FKBP15: variants seen among roughly 807,000 people sequenced by gnomAD.
FKBP15 encodes FKBP prolyl isomerase family member 15, also known as FK506-binding protein 15.
FKBP15 carries 106 observed loss-of-function variants against 158.1 expected under a neutral mutation model. That is an observed-to-expected ratio of 0.67 (90% CI 0.57 to 0.79). The LOEUF (loss-of-function observed/expected upper bound fraction) is 0.79, where lower values mean the gene tolerates loss of function less well. Among genes scored for constraint, FKBP15 ranks in the 30% least tolerant of loss-of-function variants. FKBP15 has a pLI of 0.00. For synonymous variants in FKBP15, 547 were observed against 548.6 expected, an observed-to-expected ratio of 1.00 and a Z score of 0.04; for missense variants, 1,287 against 1,479.1, an observed-to-expected ratio of 0.87 and a Z score of 2.13.
chr9:113,204,922 T>A (rs1830858997), intron 4 of FKBP15, among the ~76,000 whole-genome samples: 1 of 147,812 alleles, frequency 6.8e-6, no homozygotes, highest in African/African-American at 2.5e-5. Flanking sequence ...GTGCCTTGTA[T>A]GTTAACTGCA....
At chr9:113,194,427 AAATAAATAAAT>A (rs1471335047) in intron 9 of FKBP15, among the ~76,000 whole-genome samples, 2 of 141,694 alleles carry the variant, frequency 1.4e-5, no homozygotes, top group African/African-American at 5.4e-5. Context: ...AATAAAAAAT[AAATAAATAAAT>A]AATAAATAAA....
Position 113,193,494 on chromosome 9 carries a change from T to C in FKBP15, c.1063A>G (p.Thr355Ala). The C allele has an allele frequency of 6.3e-7, 1 of 1,592,466 alleles. No homozygotes were observed. The highest frequency in any genetic ancestry group is 1.8e-5 in the Admixed American group (1 of 56,852). The change falls in exon 11 of 28, where the codon ACA (threonine) becomes GCA (alanine). Residue 355 changes from threonine (T) to alanine (A), a missense_variant and splice_region_variant. Transcript: ENST00000238256. ...CTGGCCAAGACTCTTATACTTACTG[T>C]ATTTATTGCAAGTTGTTCACTGAGG... ...NSLSEQLAINTSPDAVKAKLI... is the reference protein window; with the variant it reads ...NSLSEQLAINASPDAVKAKLI...
chr9:113,168,338 G>T (rs767197747), intron 27 of FKBP15, 122 bp downstream of exon 27: 1 of 787,286 alleles, frequency 1.3e-6, no homozygotes, highest in East Asian at 2.7e-5. Flanking sequence ...GCTCCCACAG[G>T]GCCCTGCACA....
intron 2 of FKBP15, 52 bp from the exon 3 acceptor site, chr9:113,207,348 A>AT (rs536637507): frequency 3.9e-5 from 54 of 1,393,384 alleles, no homozygotes; most frequent in Middle Eastern, 1.9e-4. Context: ...CTTTAAACTA[A>AT]TTTTTTTTAA....
intron 2 of FKBP15, among the ~76,000 whole-genome samples, chr9:113,210,244 G>A (rs1261563539): frequency 6.6e-6 from 1 of 151,872 alleles, no homozygotes; most frequent in Non-Finnish European, 1.5e-5. Context: ...ACTGGTCAAG[G>A]ATACACAACC....
At chr9:113,181,229 T>G (rs1830390116) in intron 19 of FKBP15, among the ~76,000 whole-genome samples, 1 of 152,228 alleles carries the variant, frequency 6.6e-6, no homozygotes, top group Non-Finnish European at 1.5e-5. Context: ...GAGCATCTAC[T>G]GGGTTCAGTG....
rs751419004 is a variant in FKBP15 at position 113,198,939 on chromosome 9, A to G, written c.649-16T>C. The G allele has an allele frequency of 3.2e-6, 5 of 1,578,790 alleles. No individual in the cohort carries two copies. The highest frequency in any genetic ancestry group is 4.3e-6 in the Non-Finnish European group (5 of 1,158,456). On this transcript the variant is annotated splice_polypyrimidine_tract_variant and intron_variant, in intron 7 of 27. Coordinates refer to ENST00000238256, the MANE Select transcript of FKBP15 (RefSeq NM_015258.2). The surrounding 1 kb of genome is among the most constrained non-coding windows in gnomAD (Gnocchi z 5.2). ...AGTCGAAAACCTGCAATTTGATCGA[A>G]GGAAATTAGGCCAGCCAATTTCAAA...
intron 10 of FKBP15, 77 bp downstream of exon 10, chr9:113,193,950 A>G (rs1175854206): frequency 5.6e-6 from 8 of 1,437,316 alleles, no homozygotes; most frequent in East Asian, 2.4e-5. Context: ...GTTTTTAACT[A>G]TATCTCTATT....
rs189464169 is a variant in FKBP15 at position 113,210,579 on chromosome 9, C to T, written c.169+898G>A. 2.5e-3 allele frequency among the ~76,000 whole-genome samples: 388 copies of T among 152,266 alleles called. 2 individuals are homozygous for T. The highest frequency in any genetic ancestry group is 4.3e-3 in the Admixed American group (66 of 15,300). ...ATCTCTTGACCTCGTGATCTGCTCA[C>T]CTCGGCCTCCCGAAGTGATGGCTAA... is the stretch of plus-strand genomic sequence containing the variant. On this transcript the variant is annotated intron_variant, in intron 2 of 27. Transcript: ENST00000238256.
In FKBP15 at chr9:113,194,021, T is replaced by C; in HGVS notation, c.1007+6A>G. The C allele has an allele frequency of 6.2e-7, 1 of 1,609,066 alleles. No individual in the cohort carries two copies. ...AAAAGAGCTTGATACAACTGCAGTA[T>C]CTTACCCTGATTTGAAAGGTATTGA... On this transcript the variant is annotated splice_donor_region_variant and intron_variant, in intron 10 of 27. Coordinates refer to ENST00000238256, the MANE Select transcript of FKBP15 (RefSeq NM_015258.2).
chr9:113,213,191 T>A (rs911678501), intron 1 of FKBP15, among the ~76,000 whole-genome samples: 4 of 152,112 alleles, frequency 2.6e-5, no homozygotes, highest in African/African-American at 9.7e-5. Context: ...GGAGGATCAC[T>A]TGAGGTCAGG....
rs1486661882 is a variant in FKBP15 at position 113,169,852 on chromosome 9, G to A, written c.2857C>T (p.Arg953Ter). Residue 953 changes from arginine to a stop codon, truncating the protein, a stop_gained, in exon 26 of 28, where the codon CGA becomes TGA. Coordinates refer to ENST00000238256, the MANE Select transcript of FKBP15 (RefSeq NM_015258.2). LOFTEE classifies it high-confidence loss of function. Reference sequence around the variant, plus strand: ...GCTGACTGCTCCTGGGAAGGTCTTCGTGGCCGCTCTTCTGCTTTTTCTTCT... The same window carrying A: ...GCTGACTGCTCCTGGGAAGGTCTTCATGGCCGCTCTTCTGCTTTTTCTTCT... The part of the protein sequence containing the change: ...EEEEKAEERP[R>*]RPSQEQSASA... 3 of 1,553,272 alleles carry A rather than the reference G, an allele frequency of 1.9e-6. No homozygotes were observed. The highest frequency in any genetic ancestry group is 1.2e-5 in the South Asian group (1 of 84,210).
chr9:113,177,460 G>C (rs550416421), intron 20 of FKBP15, among the ~76,000 whole-genome samples: 2 of 152,170 alleles, frequency 1.3e-5, no homozygotes, highest in Non-Finnish European at 2.9e-5. Flanking sequence ...TAACACATTT[G>C]CCTCATGTGG....
intron 12 of FKBP15, among the ~76,000 whole-genome samples, chr9:113,189,558 C>T (rs1029264845): frequency 2.6e-5 from 4 of 151,846 alleles, no homozygotes; most frequent in African/African-American, 9.7e-5. Context: ...AAAAAATAAT[C>T]CTATAACAAT....
In FKBP15 at chr9:113,165,034, AAATT is replaced by A. The variant is rs1390734357; in HGVS notation, c.*1040_*1043del. On this transcript the variant is annotated 3_prime_UTR_variant, in exon 28 of 28. Transcript: ENST00000238256. ...TAAAATCAAGAAACATTTTTTATTA[AAATT>A]AATTATTCTGTTTTTTTAAAGACTG... 1 of 145,164 alleles carries A rather than the reference AAATT, an allele frequency of 6.9e-6. No homozygotes were observed. Among genetic ancestry groups the A allele is most frequent in the Non-Finnish European group, 1.5e-5 (1 of 65,552 alleles). 9.0% of individuals were successfully genotyped at this position (145,164 alleles called of 1,614,324 possible).
intron 26 of FKBP15, 28 bp from the exon 27 acceptor site, chr9:113,168,584 G>A (rs1830138452): frequency 6.2e-7 from 1 of 1,601,334 alleles, no homozygotes; most frequent in African/African-American, 1.3e-5. Flanking sequence ...CATAGAAAAT[G>A]TTATTGTTCC....
At chr9:113,200,678 T>C (rs1396690321) in intron 6 of FKBP15, among the ~76,000 whole-genome samples, 1 of 152,104 alleles carries the variant, frequency 6.6e-6, no homozygotes, top group Admixed American at 6.6e-5. Context: ...TTTAGAAAAA[T>C]GTGGATTTGA....
chr9:113,213,622 T>C (rs1831061184), intron 1 of FKBP15, among the ~76,000 whole-genome samples: 1 of 150,422 alleles, frequency 6.6e-6, no homozygotes, highest in Non-Finnish European at 1.5e-5. Context: ...ATAAATGTCA[T>C]GGGAATGAGA....
At chr9:113,168,287 C>T (rs1349585671) in intron 27 of FKBP15, among the ~76,000 whole-genome samples, 173 bp downstream of exon 27, 1 of 152,158 alleles carries the variant, frequency 6.6e-6, no homozygotes, top group African/African-American at 2.4e-5. Context: ...GTCCCCTACT[C>T]TGCTTACAGA....
Sources: gnomAD v4.1 joint callset for allele counts (sites outside exome capture counted in the v4.1 genomes callset) on GRCh38, gnomAD v4.1.1 for gene constraint, Gnocchi (gnomAD v3.1) non-coding constraint, MANE v1.5 for transcripts, NCBI Gene and HGNC (gene_info 2026-07-23, HGNC 2026-07-21) for gene names.